The following TPGS1 variants were observed in gnomAD, a reference collection of about 807,000 sequenced individuals.
TPGS1 encodes the protein gene trap ROSA b-geo 22.
TPGS1 carries 18 observed loss-of-function variants against 11.9 expected under a neutral mutation model. The ratio of observed to expected loss-of-function variants is 1.51; its 90% CI spans 1.04 to 2.24. The LOEUF is 2.24. TPGS1 is among the 30% of genes most tolerant of loss of function. TPGS1 has a pLI of 0.00. For synonymous variants in TPGS1, 247 were observed against 218.2 expected, an observed-to-expected ratio of 1.13 and a Z score of -1.16; for missense variants, 500 against 443.0, an observed-to-expected ratio of 1.13 and a Z score of -1.16.
At chr19:518,765 G>A (rs1355247068) in intron 1 of TPGS1, 124 bp from the exon 2 acceptor site, 13 of 1,058,060 alleles carry the variant, frequency 1.2e-5, no homozygotes, top group East Asian at 3.2e-5. Flanking sequence ...GGGGTAGGAG[G>A]AGAGGGGAGG....
chr19:508,049 C>T, intron 1 of TPGS1: 1 of 411,826 alleles, frequency 2.4e-6, no homozygotes, highest in Non-Finnish European at 4.2e-6. Context: ...CAGCGCGCTG[C>T]ATGCGGCGCG....
At chr19:513,665 T>C (rs74926915) in intron 1 of TPGS1, among the ~76,000 whole-genome samples, 470 of 36,540 alleles carry the variant, frequency 0.013, 9 homozygotes, top group African/African-American at 0.041. Context: ...TACTGCATAC[T>C]GGCCCTGCAT....
chr19:519,208 G>A lies in TPGS1; in HGVS notation c.658G>A (p.Ala220Thr). The A allele has an allele frequency of 1.4e-6, 2 of 1,460,782 alleles. No homozygotes were observed. The highest frequency in any genetic ancestry group is 1.4e-5 in the South Asian group (1 of 73,792). The allele number at this position is 1,460,782 out of a possible 1,614,324, so 90.5% of individuals were successfully genotyped here. A position where few individuals can be genotyped will look rare whatever the true frequency, so the allele number is the denominator to read the frequency against. Residue 220 changes from alanine to threonine, a missense_variant, in exon 2 of 2, where the codon GCC becomes ACC. By Grantham distance (58) the Ala-to-Thr change is moderately conservative. Transcript: ENST00000359315. The stretch of plus-strand genomic sequence containing the variant: ...CGTGGCCGACCGCCGCGTGGGCCAG[G>A]CCGTGCTGGACACCCTGGAGGGCGC... ...AAVADRRVGQ[A>T]VLDTLEGALQ...
intron 1 of TPGS1, among the ~76,000 whole-genome samples, chr19:512,330 A>AT (rs1978820569): frequency 6.6e-6 from 1 of 151,092 alleles, no homozygotes; most frequent in Non-Finnish European, 1.5e-5. Flanking sequence ...CACCTGGCTG[A>AT]TTTTTAAATT....
chr19:519,360 C>A lies in TPGS1; in HGVS notation c.810C>A (p.Thr270=), dbSNP rs1248491647. The A allele has an allele frequency of 1.6e-6, 2 of 1,213,962 alleles. No individual in the cohort carries two copies. The highest frequency in any genetic ancestry group is 7.4e-5 in the South Asian group (2 of 27,134). The allele number at this position is 1,213,962 out of a possible 1,614,324, so 75.2% of individuals were successfully genotyped here. The change falls in exon 2 of 2, where the codon ACC becomes ACA. Residue 270 remains threonine, a synonymous_variant. Coordinates refer to ENST00000359315, the MANE Select transcript of TPGS1 (RefSeq NM_033513.3). ...VGGRRPSAPM[T]REEFLERAAA... ...GGCGGCGGCCCAGCGCGCCCATGAC[C>A]CGCGAGGAGTTTCTGGAGAGGGCCG...
At position 519,107 on chromosome 19, in the gene TPGS1, T is replaced by A. The variant is rs778785355; in HGVS notation, c.557T>A (p.Leu186His). 1.3e-6 allele frequency: 2 copies of A among 1,530,368 alleles called. No individual in the cohort carries two copies. The highest frequency in any genetic ancestry group is 1.7e-6 in the Non-Finnish European group (2 of 1,144,944). The allele number at this position is 1,530,368 out of a possible 1,614,324, so 94.8% of individuals were successfully genotyped here. Residue 186 changes from leucine (L) to histidine (H), a missense_variant, in exon 2 of 2, where the codon CTC becomes CAC. Physicochemically the swap from Leu to His is moderately conservative, Grantham distance 99. Transcript: ENST00000359315. ...VPLSVFRAGT[L>H]TCFVLLEFVA... ...CTGAGCGTCTTCCGCGCGGGCACAC[T>A]CACCTGCTTCGTGCTGCTGGAGTTC...
At chr19:507,947 G>A (rs1033606655) in intron 1 of TPGS1, 103 bp downstream of exon 1, 3 of 964,018 alleles carry the variant, frequency 3.1e-6, no homozygotes, top group African/African-American at 1.7e-5. Context: ...GGGGCCCGGG[G>A]CTTGCTGGGA....
chr19:519,362 G>A lies in TPGS1; in HGVS notation c.812G>A (p.Arg271His), dbSNP rs1979079629. ...CGGCGGCCCAGCGCGCCCATGACCC[G>A]CGAGGAGTTTCTGGAGAGGGCCGCC... The part of the protein sequence containing the change: ...GGRRPSAPMT[R>H]EEFLERAAAL... The change falls in exon 2 of 2, where the codon CGC becomes CAC. Residue 271 changes from arginine to histidine, a missense_variant. Coordinates refer to ENST00000359315, the MANE Select transcript of TPGS1 (RefSeq NM_033513.3). The A allele has an allele frequency of 1.6e-6, 2 of 1,216,122 alleles. No individual in the cohort carries two copies. Among genetic ancestry groups the A allele is most frequent in the East Asian group, 6.9e-5 (2 of 28,976 alleles). 75.3% of individuals were successfully genotyped at this position (1,216,122 alleles called of 1,614,324 possible).
chr19:507,743 T>A lies in TPGS1; in HGVS notation c.237T>A (p.Pro79=). ...HYFENMGLRS[P]VNGGAGEPPG... ...TCGAGAACATGGGCCTGCGCTCGCC[T>A]GTAAACGGCGGCGCCGGGGAGCCCC... Residue 79 remains proline, a synonymous_variant, in exon 1 of 2, where the codon CCT becomes CCA. Transcript: ENST00000359315. 7.2e-7 allele frequency: 1 copy of A among 1,397,976 alleles called. No individual in the cohort carries two copies. The highest frequency in any genetic ancestry group is 9.3e-7 in the Non-Finnish European group (1 of 1,074,950). 86.6% of individuals were successfully genotyped at this position (1,397,976 alleles called of 1,614,324 possible).
At chr19:515,583 C>CA in intron 1 of TPGS1, among the ~76,000 whole-genome samples, 1 of 151,172 alleles carries the variant, frequency 6.6e-6, no homozygotes, top group African/African-American at 2.4e-5. Flanking sequence ...ACTAAAAATA[C>CA]AAAAATTAGC....
At position 507,732 on chromosome 19, in the gene TPGS1, C is replaced by T. The variant is rs1978663793; in HGVS notation, c.226C>T (p.Leu76=). Residue 76 remains leucine (L), a synonymous_variant, in exon 1 of 2, where the codon CTG becomes TTG. Transcript: ENST00000359315. ...FLAHYFENMG[L]RSPVNGGAGE... ...GGCTCACTACTTCGAGAACATGGGC[C>T]TGCGCTCGCCTGTAAACGGCGGCGC... The T allele has an allele frequency of 7.2e-7, 1 of 1,397,562 alleles. No individual in the cohort carries two copies. The allele number at this position is 1,397,562 out of a possible 1,614,324, so 86.6% of individuals were successfully genotyped here. A position where few individuals can be genotyped will look rare whatever the true frequency, so the allele number is the denominator to read the frequency against.
rs1979086236 is a variant in TPGS1, at chr19:519,528, C to G, written c.*105C>G. ...GGTGAGGCCCTGCCATAACCAGGCG[C>G]CCAGCCCTGCGGAGGAGGCCGGGGC... is the stretch of plus-strand genomic sequence containing the variant. On this transcript the variant is annotated 3_prime_UTR_variant, in exon 2 of 2. Transcript: ENST00000359315. 9.4e-7 allele frequency: 1 copy of G among 1,062,296 alleles called. No homozygotes were observed. Among genetic ancestry groups the G allele is most frequent in the Non-Finnish European group, 1.2e-6 (1 of 854,990 alleles). The allele number at this position is 1,062,296 out of a possible 1,614,324, so 65.8% of individuals were successfully genotyped here.
rs1978655580 is a variant in TPGS1 at position 507,573 on chromosome 19, C to T, written c.67C>T (p.Gln23Ter). Residue 23 changes from glutamine to a stop codon, truncating the protein, a stop_gained, in exon 1 of 2, where the codon CAG (glutamine) becomes TAG (stop). Transcript: ENST00000359315. LOFTEE classifies it high-confidence loss of function. ...PPAGFTDSGR[Q>*]SVSRAAGAAE... ...GGCCGGTTTCACGGACAGCGGCCGCCAGTCGGTATCCCGGGCGGCGGGGGC... is the reference window on the plus strand; with the variant it reads ...GGCCGGTTTCACGGACAGCGGCCGCTAGTCGGTATCCCGGGCGGCGGGGGC... The T allele has an allele frequency of 1.4e-6, 2 of 1,394,296 alleles. No homozygotes were observed. Among genetic ancestry groups the T allele is most frequent in the Non-Finnish European group, 1.9e-6 (2 of 1,069,548 alleles). The allele number at this position is 1,394,296 out of a possible 1,614,324, so 86.4% of individuals were successfully genotyped here.
chr19:516,010 C>T (rs1408313384), intron 1 of TPGS1, among the ~76,000 whole-genome samples: 2 of 142,628 alleles, frequency 1.4e-5, no homozygotes, highest in African/African-American at 5.2e-5. Flanking sequence ...CCAGCCCGGG[C>T]GACAGAGCGA....
chr19:511,533 A>C (rs1978794857), intron 1 of TPGS1, among the ~76,000 whole-genome samples: 1 of 152,216 alleles, frequency 6.6e-6, no homozygotes, highest in African/African-American at 2.4e-5. Context: ...TCCCGTCCTC[A>C]CAAGAACCCC....
chr19:513,196 G>A (rs1978851932), intron 1 of TPGS1, among the ~76,000 whole-genome samples: 1 of 152,260 alleles, frequency 6.6e-6, no homozygotes, highest in African/African-American at 2.4e-5. Context: ...GGGTCATGCG[G>A]AGAGGTCAGG....
At position 519,361 on chromosome 19, in the gene TPGS1, C is replaced by A; in HGVS notation, c.811C>A (p.Arg271Ser). ...GGRRPSAPMTREEFLERAAAL... is the reference protein window; with the variant it reads ...GGRRPSAPMTSEEFLERAAAL... ...GCGGCGGCCCAGCGCGCCCATGACC[C>A]GCGAGGAGTTTCTGGAGAGGGCCGC... The change falls in exon 2 of 2, where the codon CGC becomes AGC. Residue 271 changes from arginine (R) to serine (S), a missense_variant. Physicochemically the swap from Arg to Ser is moderately radical, Grantham distance 110. Coordinates refer to ENST00000359315, the MANE Select transcript of TPGS1 (RefSeq NM_033513.3). 8.2e-7 allele frequency: 1 copy of A among 1,216,198 alleles called. No homozygotes were observed. The highest frequency in any genetic ancestry group is 1.0e-6 in the Non-Finnish European group (1 of 977,428). 75.3% of individuals were successfully genotyped at this position (1,216,198 alleles called of 1,614,324 possible).
rs1481488978 is a variant in TPGS1 at position 519,385 on chromosome 19, G to A, written c.835G>A (p.Ala279Thr). Residue 279 changes from alanine to threonine, a missense_variant, in exon 2 of 2, where the codon GCC becomes ACC. By Grantham distance (58) the Ala-to-Thr change is moderately conservative (BLOSUM62 0). Transcript: ENST00000359315. Reference protein sequence around the residue: ...MTREEFLERAAALFIAKVKPV... With the variant: ...MTREEFLERATALFIAKVKPV... ...CCGCGAGGAGTTTCTGGAGAGGGCC[G>A]CCGCGCTCTTCATCGCGAAGGTCAA... 1.6e-6 allele frequency: 2 copies of A among 1,225,938 alleles called. No individual in the cohort carries two copies. Among genetic ancestry groups the A allele is most frequent in the African/African-American group, 1.6e-5 (1 of 63,330 alleles). 75.9% of individuals were successfully genotyped at this position (1,225,938 alleles called of 1,614,324 possible).
At chr19:518,773 A>G in intron 1 of TPGS1, 116 bp from the exon 2 acceptor site, 1 of 1,048,712 alleles carries the variant, frequency 9.5e-7, no homozygotes, top group Non-Finnish European at 1.2e-6. Context: ...AGGAGAGGGG[A>G]GGCCAGGGCT....
Sources: gnomAD v4.1 joint callset for allele counts (sites outside exome capture counted in the v4.1 genomes callset) on GRCh38, gnomAD v4.1.1 for gene constraint, MANE v1.5 for transcripts, NCBI Gene and HGNC (gene_info 2026-07-23, HGNC 2026-07-21) for gene names.